Variants in GPRASP3 observed in about 807,000 individuals in gnomAD.
GPRASP3 encodes G protein-coupled receptor associated sorting protein 3.
At chrX:102,735,458 G>A in the GPRASP3 span, among the ~76,000 whole-genome samples, 1 of 102,743 alleles carries the variant, frequency 9.7e-6, no homozygotes, top group African/African-American at 3.6e-5. Flanking sequence ...AGGCTGGAGT[G>A]CAGTGGCACC....
chrX:102,722,601 T>C, the GPRASP3 span, among the ~76,000 whole-genome samples: 1 of 111,858 alleles, frequency 8.9e-6, no homozygotes, highest in Non-Finnish European at 1.9e-5. Flanking sequence ...CCTTGGTCTT[T>C]CTGGTGACCA....
At chrX:102,732,084 C>T in the GPRASP3 span, among the ~76,000 whole-genome samples, 1 of 111,962 alleles carries the variant, frequency 8.9e-6, no homozygotes, top group African/African-American at 3.2e-5. Flanking sequence ...GGAACCATCA[C>T]CTGACATTCC....
the GPRASP3 span, among the ~76,000 whole-genome samples, chrX:102,724,049 G>A: frequency 1.8e-5 from 2 of 111,462 alleles, no homozygotes; most frequent in Non-Finnish European, 3.8e-5. Context: ...AATAAGAATA[G>A]CACTTTTCTT....
At chrX:102,736,525 C>A in the GPRASP3 span, among the ~76,000 whole-genome samples, 1 of 111,856 alleles carries the variant, frequency 8.9e-6, no homozygotes, top group Non-Finnish European at 1.9e-5. Flanking sequence ...TAAGCAGATA[C>A]AGCTGGAAGG....
chrX:102,747,901 T>C, the GPRASP3 span: 1 of 111,938 alleles, frequency 8.9e-6, no homozygotes, highest in Non-Finnish European at 1.9e-5. Context: ...AACTATTCAT[T>C]TGGATTCAAG....
chrX:102,726,558 G>T, the GPRASP3 span, among the ~76,000 whole-genome samples: 3 of 111,006 alleles, frequency 2.7e-5, no homozygotes, highest in Non-Finnish European at 5.7e-5. Context: ...ATCCTCTAGT[G>T]CCTGGCTCCA....
At chrX:102,745,186 G>C in the GPRASP3 span, among the ~76,000 whole-genome samples, 3 of 111,092 alleles carry the variant, frequency 2.7e-5, no homozygotes, top group African/African-American at 9.8e-5. Context: ...CCATCAAAGA[G>C]AGAGGACTGT....
chrX:102,746,915 G>A, the GPRASP3 span, among the ~76,000 whole-genome samples: 2 of 112,587 alleles, frequency 1.8e-5, no homozygotes, highest in African/African-American at 6.5e-5. Flanking sequence ...AAATAACAGG[G>A]TAGTATTTTT....
the GPRASP3 span, among the ~76,000 whole-genome samples, chrX:102,738,623 C>T: frequency 9.0e-6 from 1 of 110,553 alleles, no homozygotes; most frequent in Non-Finnish European, 1.9e-5. Context: ...TGGAGTGAAC[C>T]GTGGGCCCCT....
the GPRASP3 span, among the ~76,000 whole-genome samples, chrX:102,737,576 C>G: frequency 8.9e-6 from 1 of 111,785 alleles, no homozygotes; most frequent in African/African-American, 3.3e-5. Context: ...TACCAGTCTA[C>G]CAGCATGCCT....
chrX:102,732,378 A>G, the GPRASP3 span, among the ~76,000 whole-genome samples: 10 of 110,212 alleles, frequency 9.1e-5, no homozygotes, highest in African/African-American at 3.3e-4. Flanking sequence ...CCCACTGATG[A>G]TCAGTCTAGG....
the GPRASP3 span, among the ~76,000 whole-genome samples, chrX:102,725,621 AG>A: frequency 9.1e-6 from 1 of 109,665 alleles, no homozygotes; most frequent in Non-Finnish European, 1.9e-5. Flanking sequence ...CTGTCTCCCA[AG>A]TTCAAGCGAT....
chrX:102,726,483 C>T, the GPRASP3 span, among the ~76,000 whole-genome samples: 1 of 111,305 alleles, frequency 9.0e-6, no homozygotes, highest in Non-Finnish European at 1.9e-5. Flanking sequence ...CAGCCTATTC[C>T]ACCCTTTCCT....
At chrX:102,737,530 TAGAA>T in the GPRASP3 span, among the ~76,000 whole-genome samples, 1 of 111,757 alleles carries the variant, frequency 8.9e-6, no homozygotes, top group Non-Finnish European at 1.9e-5. Context: ...CTGGTTTGCA[TAGAA>T]AGAGAGAAGC....
the GPRASP3 span, among the ~76,000 whole-genome samples, chrX:102,727,174 C>T: frequency 8.9e-6 from 1 of 112,374 alleles, no homozygotes; most frequent in Non-Finnish European, 1.9e-5. Context: ...TAAGTACTGA[C>T]GTAGGGCAGC....
At chrX:102,733,721 T>C in the GPRASP3 span, among the ~76,000 whole-genome samples, 1 of 109,606 alleles carries the variant, frequency 9.1e-6, no homozygotes, top group African/African-American at 3.3e-5. Flanking sequence ...CTGCTTGATA[T>C]TCATGAACAT....
the GPRASP3 span, among the ~76,000 whole-genome samples, chrX:102,741,057 A>G: frequency 9.0e-6 from 1 of 111,531 alleles, no homozygotes; most frequent in Non-Finnish European, 1.9e-5. Context: ...CAAGTGTCCG[A>G]GTTACCATTG....
the GPRASP3 span, among the ~76,000 whole-genome samples, chrX:102,735,239 G>A: frequency 9.0e-6 from 1 of 111,577 alleles, no homozygotes; most frequent in Admixed American, 9.5e-5. Flanking sequence ...CGACCATAAG[G>A]TAAGATTCTC....
the GPRASP3 span, among the ~76,000 whole-genome samples, chrX:102,746,422 C>T: frequency 8.9e-6 from 1 of 112,821 alleles, no homozygotes; most frequent in Admixed American, 9.2e-5. Context: ...CCGCGCTGAC[C>T]GCCTCCAAGC....
Sources: gnomAD v4.1 joint callset for allele counts (sites outside exome capture counted in the v4.1 genomes callset) on GRCh38, gnomAD v4.1.1 for gene constraint, MANE v1.5 for transcripts, NCBI Gene and HGNC (gene_info 2026-07-23, HGNC 2026-07-21) for gene names.